Variants in GPBP1L1 observed in about 807,000 individuals in gnomAD.
The protein encoded by GPBP1L1 is GC-rich promoter binding protein 1 like 1.
Under a neutral mutation model 52.5 loss-of-function variants are expected in GPBP1L1, and 23 were observed. The observed-to-expected ratio is 0.44, with a 90% CI of 0.32 to 0.62. The LOEUF is 0.62. Among genes scored for constraint, GPBP1L1 ranks in the 20% least tolerant of loss-of-function variants. The pLI is 0.06. For missense variants in GPBP1L1, 596 were observed against 579.3 expected, an observed-to-expected ratio of 1.03 and a Z score of -0.30; for synonymous variants, 243 against 203.1, an observed-to-expected ratio of 1.20 and a Z score of -1.67.
chr1:45,686,172 C>G lies in GPBP1L1; in HGVS notation c.-1143+240G>C, dbSNP rs180883891. Among the ~76,000 whole-genome samples, 412 of 152,382 alleles carry G rather than the reference C, an allele frequency of 2.7e-3. 5 individuals carry two copies. Among genetic ancestry groups the G allele is most frequent in the Admixed American group, 0.026 (400 of 15,308 alleles). On this transcript the variant is annotated intron_variant, in intron 1 of 12. Coordinates refer to ENST00000355105, the MANE Select transcript of GPBP1L1 (RefSeq NM_021639.5). Reference sequence around the variant, plus strand: ...CGAAGTTAAAGTAGGAGCGCTTTCGCGGAGCCCCGGCGACGCTCGCGTGCA... The same window carrying G: ...CGAAGTTAAAGTAGGAGCGCTTTCGGGGAGCCCCGGCGACGCTCGCGTGCA...
chr1:45,654,355 T>A, intron 6 of GPBP1L1, 188 bp downstream of exon 6: 1 of 504,934 alleles, frequency 2.0e-6, no homozygotes, highest in Admixed American at 3.8e-5. Flanking sequence ...TTGCTACAAG[T>A]TACATAGGAG....
chr1:45,630,834 G>A (rs1644521170), intron 10 of GPBP1L1: 1 of 502,552 alleles, frequency 2.0e-6, no homozygotes, highest in Non-Finnish European at 3.6e-6. Context: ...CAATACTGAA[G>A]AATAAAACCA....
chr1:45,686,759 C>T (rs1312443230), upstream of GPBP1L1: 2 of 152,376 alleles, frequency 1.3e-5, no homozygotes, highest in South Asian at 2.1e-4. Flanking sequence ...CTCCCTTCTT[C>T]GCCGCTTGAG....
At position 45,630,565 on chromosome 1, in the gene GPBP1L1, C is replaced by T; in HGVS notation, c.1086G>A (p.Glu362=). ...CAAGACCATTTTGATGACAGCCTTC[C>T]TCCCCATTTTCCTTTGGTTCAGGTG... ...NSTPEPKENG[E]EGCHQNGLAL... Residue 362 remains glutamate (E), a synonymous_variant, in exon 11 of 13, where the codon GAG becomes GAA. Transcript: ENST00000355105. 1 of 1,614,036 alleles carries T rather than the reference C, an allele frequency of 6.2e-7. No individual in the cohort carries two copies. The highest frequency in any genetic ancestry group is 8.5e-7 in the Non-Finnish European group (1 of 1,179,910).
At chr1:45,669,984 ATAG>A in intron 2 of GPBP1L1, among the ~76,000 whole-genome samples, 1 of 152,388 alleles carries the variant, frequency 6.6e-6, no homozygotes, top group Non-Finnish European at 1.5e-5. Context: ...TATCTGGAAC[ATAG>A]TAGATAAATA....
intron 11 of GPBP1L1, 174 bp from the exon 12 acceptor site, chr1:45,629,852 T>A: frequency 3.5e-6 from 2 of 576,284 alleles, no homozygotes; most frequent in Non-Finnish European, 6.2e-6. Context: ...GTGCTGTAAA[T>A]AAATGGAGGC....
At chr1:45,653,544 A>G (rs1388131172) in intron 6 of GPBP1L1, among the ~76,000 whole-genome samples, 1 of 151,828 alleles carries the variant, frequency 6.6e-6, no homozygotes, top group Non-Finnish European at 1.5e-5. Context: ...TTTTTTATAG[A>G]GACAAGGATC....
intron 2 of GPBP1L1, among the ~76,000 whole-genome samples, chr1:45,670,956 C>T (rs565759069): frequency 1.3e-5 from 2 of 151,798 alleles, no homozygotes; most frequent in African/African-American, 4.8e-5. Context: ...CCACACCCAG[C>T]TAATTTTTTG....
At chr1:45,685,337 T>A (rs1029044214) in intron 2 of GPBP1L1, among the ~76,000 whole-genome samples, 1 of 152,210 alleles carries the variant, frequency 6.6e-6, no homozygotes, top group African/African-American at 2.4e-5. Context: ...GAACACGACT[T>A]ACTACTAAAC....
rs1360355129 is a variant in GPBP1L1, at chr1:45,627,941, A to C, written c.*315T>G. ...GTAGTAGAAGCTGTTGCTGCAGACC[A>C]GTGTCTCCTCTTCCCTGCACTGCCA... On this transcript the variant is annotated 3_prime_UTR_variant, in exon 13 of 13. Transcript: ENST00000355105. 4.7e-6 allele frequency: 1 copy of C among 211,676 alleles called. No homozygotes were observed. Among genetic ancestry groups the C allele is most frequent in the East Asian group, 1.1e-4 (1 of 9,138 alleles). The allele number at this position is 211,676 out of a possible 1,614,324, so 13.1% of individuals were successfully genotyped here. A position where few individuals can be genotyped will look rare whatever the true frequency, so the allele number is the denominator to read the frequency against.
At chr1:45,637,582 C>A (rs1644612444) in intron 8 of GPBP1L1, among the ~76,000 whole-genome samples, 1 of 132,870 alleles carries the variant, frequency 7.5e-6, no homozygotes, top group South Asian at 2.6e-4. Flanking sequence ...CACAACAGGG[C>A]TAAAGTGATC....
At chr1:45,660,056 C>G (rs1644930596) in intron 3 of GPBP1L1, 128 bp downstream of exon 3, 1 of 328,160 alleles carries the variant, frequency 3.0e-6, no homozygotes, top group African/African-American at 2.2e-5. Flanking sequence ...TTCCTGAGAT[C>G]TGTTGGTGTC....
At chr1:45,632,387 A>G (rs1644541625) in intron 10 of GPBP1L1, among the ~76,000 whole-genome samples, 1 of 152,122 alleles carries the variant, frequency 6.6e-6, no homozygotes, top group Admixed American at 6.5e-5. Context: ...TGGGCAACAG[A>G]GTGAAACTCC....
intron 4 of GPBP1L1, chr1:45,656,011 A>C (rs533128554): frequency 7.2e-5 from 11 of 152,262 alleles, no homozygotes; most frequent in Non-Finnish European, 1.6e-4. Flanking sequence ...GCCTCAAGCA[A>C]TCCTCCTGCC....
intron 8 of GPBP1L1, among the ~76,000 whole-genome samples, chr1:45,637,979 A>G (rs1338586405): frequency 6.6e-6 from 1 of 152,242 alleles, no homozygotes; most frequent in Non-Finnish European, 1.5e-5. Flanking sequence ...AAGAAGGTGT[A>G]AGGTGAAATC....
At chr1:45,659,283 A>G (rs964598514) in intron 3 of GPBP1L1, 141 bp from the exon 4 acceptor site, 19 of 562,806 alleles carry the variant, frequency 3.4e-5, no homozygotes, top group Admixed American at 1.4e-4. Flanking sequence ...ACCAAGCCTT[A>G]TAACTCAGAG....
chr1:45,682,665 T>A (rs1224932171), intron 2 of GPBP1L1, among the ~76,000 whole-genome samples: 2 of 152,332 alleles, frequency 1.3e-5, no homozygotes, highest in East Asian at 3.9e-4. Flanking sequence ...GAAAAATGAT[T>A]CAGCTAACAG....
chr1:45,651,784 C>A, intron 6 of GPBP1L1: 1 of 295,692 alleles, frequency 3.4e-6, no homozygotes. Context: ...ACAGCAGGGG[C>A]CAGAGCCAAC....
chr1:45,673,429 C>T (rs1442813362), intron 2 of GPBP1L1, among the ~76,000 whole-genome samples: 1 of 152,140 alleles, frequency 6.6e-6, no homozygotes, highest in Non-Finnish European at 1.5e-5. Flanking sequence ...CTTTTGACTC[C>T]CTGAAGTCTC....
Sources: gnomAD v4.1 joint callset for allele counts (sites outside exome capture counted in the v4.1 genomes callset) on GRCh38, gnomAD v4.1.1 for gene constraint, MANE v1.5 for transcripts, NCBI Gene and HGNC (gene_info 2026-07-23, HGNC 2026-07-21) for gene names.